The following DIP2B variants were observed in gnomAD, a reference collection of about 807,000 sequenced individuals.
DIP2B encodes disco-interacting protein 2 homolog B.
A neutral mutation model predicts 198.0 loss-of-function variants in DIP2B; 76 were observed. The observed-to-expected ratio is 0.38, with a 90% CI of 0.32 to 0.46. The LOEUF is 0.46. Among genes scored for constraint, DIP2B ranks in the 20% least tolerant of loss-of-function variants. The pLI is 0.99. For synonymous variants in DIP2B, 701 were observed against 739.1 expected, an observed-to-expected ratio of 0.95 and a Z score of 0.84; for missense variants, 1,559 against 1,978.4, an observed-to-expected ratio of 0.79 and a Z score of 4.02.
At chr12:50,701,451 G>A (rs933578595) in intron 19 of DIP2B, among the ~76,000 whole-genome samples, 1 of 152,136 alleles carries the variant, frequency 6.6e-6, no homozygotes, top group African/African-American at 2.4e-5. Flanking sequence ...GTGCAATCTC[G>A]GCTCACTGCA....
chr12:50,539,563 C>T (rs531124203), intron 1 of DIP2B, among the ~76,000 whole-genome samples: 2 of 148,876 alleles, frequency 1.3e-5, no homozygotes, highest in Admixed American at 1.4e-4. Context: ...TTGCAGTGAG[C>T]CAAGATCATG....
chr12:50,722,141 G>A (rs181213945), intron 26 of DIP2B, among the ~76,000 whole-genome samples: 14 of 152,030 alleles, frequency 9.2e-5, no homozygotes, highest in Non-Finnish European at 2.9e-5. Context: ...AAATATTGGA[G>A]TTTTCCCTTC....
At chr12:50,698,564 A>C in intron 18 of DIP2B, 97 bp downstream of exon 18, 1 of 1,425,136 alleles carries the variant, frequency 7.0e-7, no homozygotes, top group Non-Finnish European at 9.4e-7. Flanking sequence ...AGGAACCCTT[A>C]ATTCAGTACT....
intron 1 of DIP2B, among the ~76,000 whole-genome samples, chr12:50,514,288 C>T (rs1404515108): frequency 6.6e-6 from 1 of 152,072 alleles, no homozygotes; most frequent in Non-Finnish European, 1.5e-5. Flanking sequence ...TGGTCGCGAA[C>T]TCCCAACCTC....
At chr12:50,724,939 G>T in intron 28 of DIP2B, 53 bp downstream of exon 28, 1 of 1,544,270 alleles carries the variant, frequency 6.5e-7, no homozygotes, top group Non-Finnish European at 8.9e-7. Flanking sequence ...CACAATACCT[G>T]AGATCTCCTC....
chr12:50,618,874 T>C (rs1369346846), intron 1 of DIP2B, among the ~76,000 whole-genome samples: 1 of 152,220 alleles, frequency 6.6e-6, no homozygotes, highest in Non-Finnish European at 1.5e-5. Flanking sequence ...CCCATGGGAC[T>C]TTGCAAATAA....
At chr12:50,547,459 A>T (rs748413459) in intron 1 of DIP2B, among the ~76,000 whole-genome samples, 56 of 152,316 alleles carry the variant, frequency 3.7e-4, no homozygotes, top group Non-Finnish European at 6.6e-4. Context: ...ATGTAGAGAG[A>T]TATTAATCGA....
intron 12 of DIP2B, among the ~76,000 whole-genome samples, chr12:50,687,265 A>G (rs1016638939): frequency 1.3e-5 from 2 of 152,168 alleles, no homozygotes; most frequent in Non-Finnish European, 2.9e-5. Context: ...GATTATTACT[A>G]AACTTACTTT....
intron 12 of DIP2B, 167 bp downstream of exon 12, chr12:50,686,849 C>G: frequency 1.8e-6 from 1 of 568,938 alleles, no homozygotes; most frequent in South Asian, 2.7e-5. Context: ...GATCTTCTAT[C>G]CTAATTATTT....
intron 35 of DIP2B, among the ~76,000 whole-genome samples, 185 bp from the exon 36 acceptor site, chr12:50,739,224 T>C (rs186669425): frequency 3.3e-5 from 5 of 152,366 alleles, no homozygotes; most frequent in East Asian, 1.9e-4. Context: ...TCATGTCATA[T>C]ATATCAGGAT....
At chr12:50,623,427 ACACACACACACTCT>A (rs1370844260) in intron 1 of DIP2B, among the ~76,000 whole-genome samples, 58 of 48,962 alleles carry the variant, frequency 1.2e-3, no homozygotes, top group African/African-American at 2.5e-3. Flanking sequence ...ACACACACAC[ACACACACACACTCT>A]CTCTCTCTCT....
chr12:50,568,414 T>TA (rs1051452576), intron 1 of DIP2B, among the ~76,000 whole-genome samples: 5 of 152,036 alleles, frequency 3.3e-5, no homozygotes, highest in South Asian at 4.1e-4. Flanking sequence ...AAAACAAAGG[T>TA]AAAAAAAGAA....
chr12:50,526,657 A>G (rs1958168052), intron 1 of DIP2B, among the ~76,000 whole-genome samples: 2 of 58,322 alleles, frequency 3.4e-5, no homozygotes, highest in Non-Finnish European at 5.6e-5. Flanking sequence ...TTTTTTTGAG[A>G]CAGAGTTTCA....
intron 1 of DIP2B, among the ~76,000 whole-genome samples, chr12:50,572,442 A>G (rs1427777556): frequency 1.3e-5 from 2 of 152,210 alleles, no homozygotes; most frequent in African/African-American, 2.4e-5. Flanking sequence ...TGCTAAACTT[A>G]TGGCATGCTG....
intron 12 of DIP2B, among the ~76,000 whole-genome samples, chr12:50,688,475 G>C (rs1178385870): frequency 6.6e-6 from 1 of 151,870 alleles, no homozygotes; most frequent in Non-Finnish European, 1.5e-5. Context: ...AACATAGTGA[G>C]ACCCTGTCTC....
At chr12:50,632,882 A>G (rs1938086774) in intron 2 of DIP2B, among the ~76,000 whole-genome samples, 1 of 151,870 alleles carries the variant, frequency 6.6e-6, no homozygotes, top group South Asian at 2.1e-4. Flanking sequence ...ACAACATTTT[A>G]TTACTGGGAT....
intron 1 of DIP2B, among the ~76,000 whole-genome samples, chr12:50,549,727 G>A (rs1214988936): frequency 7.5e-6 from 1 of 133,682 alleles, no homozygotes; most frequent in African/African-American, 2.7e-5. Flanking sequence ...AAAAAGCCAT[G>A]TGGTTGTTCA....
chr12:50,727,941 T>A, intron 29 of DIP2B, 129 bp downstream of exon 29: 2 of 700,028 alleles, frequency 2.9e-6, no homozygotes, highest in East Asian at 5.3e-5. Context: ...TCTAAGTCGC[T>A]GCTCTATTTA....
chr12:50,511,291 ATTTTT>A lies in DIP2B; in HGVS notation c.100+6068_100+6072del, dbSNP rs71083581. Among the ~76,000 whole-genome samples, 20 of 64,666 alleles carry A rather than the reference ATTTTT, an allele frequency of 3.1e-4. No homozygotes were observed. The East Asian group carries it at 4.8e-3, about 15-fold the overall frequency. 42.4% of individuals were successfully genotyped at this position (64,666 alleles called of 152,430 possible). On this transcript the variant is annotated intron_variant, in intron 1 of 37. Coordinates refer to ENST00000301180, the MANE Select transcript of DIP2B (RefSeq NM_173602.3). ...CCTATCCCTGACCAGTGTGATTTCT[ATTTTT>A]TTTTTTTTTTTTTTTTGAGACAGGG...
Sources: gnomAD v4.1 joint callset for allele counts (sites outside exome capture counted in the v4.1 genomes callset) on GRCh38, gnomAD v4.1.1 for gene constraint, MANE v1.5 for transcripts, NCBI Gene and HGNC (gene_info 2026-07-23, HGNC 2026-07-21) for gene names.